The following FAM171A1 variants were observed in gnomAD, a reference collection of about 807,000 sequenced individuals.
FAM171A1 encodes family with sequence similarity 171 member A1.
Under a neutral mutation model 74.9 loss-of-function variants are expected in FAM171A1, and 23 were observed. The observed-to-expected ratio is 0.31, with a 90% CI of 0.22 to 0.44. The LOEUF is 0.44. Among genes scored for constraint, FAM171A1 ranks in the 20% least tolerant of loss-of-function variants. The pLI is 1.00. For missense variants in FAM171A1, 1,162 were observed against 1,159.2 expected (o/e 1.00, Z -0.03); for synonymous variants, 527 against 505.7 (o/e 1.04, Z -0.57).
intron 1 of FAM171A1, among the ~76,000 whole-genome samples, chr10:15,369,656 A>C (rs771502991): frequency 6.6e-6 from 1 of 152,234 alleles, no homozygotes; most frequent in Non-Finnish European, 1.5e-5. Flanking sequence ...ACATGTAGGC[A>C]ACAAACTCAA....
At chr10:15,296,945 C>G (rs1243810456) in intron 1 of FAM171A1, among the ~76,000 whole-genome samples, 6 of 152,122 alleles carry the variant, frequency 3.9e-5, no homozygotes, top group Admixed American at 2.0e-4. Context: ...GTGGTAGACT[C>G]GACAGCTACA....
At chr10:15,229,402 C>CTCA (rs928252098) in intron 5 of FAM171A1, among the ~76,000 whole-genome samples, 1 of 151,916 alleles carries the variant, frequency 6.6e-6, no homozygotes, top group Non-Finnish European at 1.5e-5. Flanking sequence ...ATGGCAAACA[C>CTCA]TCATCATCAT....
At chr10:15,227,096 T>A (rs1353825243) in intron 5 of FAM171A1, among the ~76,000 whole-genome samples, 2 of 151,452 alleles carry the variant, frequency 1.3e-5, no homozygotes, top group Non-Finnish European at 2.9e-5. Flanking sequence ...GCCTCCTGGG[T>A]TCAAGTGATT....
intron 5 of FAM171A1, chr10:15,241,418 T>G (rs1158450325): frequency 1.3e-5 from 2 of 152,236 alleles, no homozygotes; most frequent in African/African-American, 4.8e-5. Flanking sequence ...TATTTTTGGT[T>G]TGTGGGGATA....
chr10:15,323,000 C>T (rs1197634454), intron 1 of FAM171A1, among the ~76,000 whole-genome samples: 3 of 150,736 alleles, frequency 2.0e-5, no homozygotes, highest in Admixed American at 6.6e-5. Context: ...ATTAGACGGG[C>T]GTGGTGGTGC....
At chr10:15,250,875 A>C (rs1285873505) in intron 4 of FAM171A1, among the ~76,000 whole-genome samples, 1 of 152,092 alleles carries the variant, frequency 6.6e-6, no homozygotes, top group African/African-American at 2.4e-5. Flanking sequence ...CTTTCATCAA[A>C]CTCTAGTCAA....
intron 1 of FAM171A1, among the ~76,000 whole-genome samples, chr10:15,284,395 T>G (rs1451934238): frequency 6.6e-6 from 1 of 150,622 alleles, no homozygotes; most frequent in Admixed American, 6.6e-5. Flanking sequence ...CTTTTAAACA[T>G]TGGGCAACCA....
At chr10:15,286,899 T>C (rs1198685528) in intron 1 of FAM171A1, among the ~76,000 whole-genome samples, 3 of 152,158 alleles carry the variant, frequency 2.0e-5, no homozygotes, top group Admixed American at 6.5e-5. Flanking sequence ...TCTCTTAAAA[T>C]GTTTTAGCAA....
intron 1 of FAM171A1, among the ~76,000 whole-genome samples, chr10:15,328,937 A>C (rs1835592384): frequency 6.6e-6 from 1 of 152,170 alleles, no homozygotes; most frequent in Non-Finnish European, 1.5e-5. Flanking sequence ...CATGCAAAAC[A>C]ACTCTGTAAA....
Position 15,216,041 on chromosome 10 carries a change from G to A in FAM171A1, c.941C>T (p.Ala314Val), listed in dbSNP as rs1290759120. The A allele has an allele frequency of 6.2e-7, 1 of 1,611,866 alleles. No homozygotes were observed. The highest frequency in any genetic ancestry group is 8.5e-7 in the Non-Finnish European group (1 of 1,179,704). ...VFLLAILGGM[A>V]FILLVLLCLL... is the part of the protein sequence containing the mutation. Reference sequence around the variant, plus strand: ...ACACAGCAAAACCAAAAGTATGAAAGCCATTCCTCCTAAAATGGCCAAAAG... The same window carrying A: ...ACACAGCAAAACCAAAAGTATGAAAACCATTCCTCCTAAAATGGCCAAAAG... The change falls in exon 7 of 8, where the codon GCT (alanine) becomes GTT (valine). Residue 314 changes from alanine to valine, a missense_variant. By Grantham distance (64) the Ala-to-Val change is moderately conservative. Coordinates refer to ENST00000378116, the MANE Select transcript of FAM171A1 (RefSeq NM_001010924.2).
chr10:15,270,877 C>T (rs572179683), intron 3 of FAM171A1, among the ~76,000 whole-genome samples: 47 of 152,146 alleles, frequency 3.1e-4, no homozygotes, highest in Non-Finnish European at 5.7e-4. Context: ...CCCATCTGTA[C>T]GTCACCATCA....
intron 6 of FAM171A1, among the ~76,000 whole-genome samples, chr10:15,218,060 A>G (rs1160071621): frequency 6.6e-6 from 1 of 152,108 alleles, no homozygotes; most frequent in African/African-American, 2.4e-5. Context: ...TCGTCCTTTA[A>G]GTACTCAAAG....
At chr10:15,341,339 G>A (rs150492697) in intron 1 of FAM171A1, among the ~76,000 whole-genome samples, 10 of 152,184 alleles carry the variant, frequency 6.6e-5, no homozygotes, top group African/African-American at 2.2e-4. Context: ...ATTTTCAATG[G>A]ACTGAAGGGT....
chr10:15,257,423 C>T (rs1006573957), intron 3 of FAM171A1, among the ~76,000 whole-genome samples: 2 of 152,158 alleles, frequency 1.3e-5, no homozygotes, highest in African/African-American at 4.8e-5. Context: ...ACCCAGGCTG[C>T]TCTCCCCAGC....
At chr10:15,221,637 C>G (rs768754659) in intron 5 of FAM171A1, among the ~76,000 whole-genome samples, 1 of 152,232 alleles carries the variant, frequency 6.6e-6, no homozygotes, top group African/African-American at 2.4e-5. Context: ...ATCAAGGTCC[C>G]TGCTGTATCT....
intron 3 of FAM171A1, among the ~76,000 whole-genome samples, chr10:15,267,005 T>C (rs922312613): frequency 1.3e-5 from 2 of 152,018 alleles, no homozygotes; most frequent in African/African-American, 2.4e-5. Flanking sequence ...GAGCTCCACC[T>C]CAGGTAGACC....
At chr10:15,360,765 C>T (rs1490162586) in intron 1 of FAM171A1, among the ~76,000 whole-genome samples, 2 of 152,190 alleles carry the variant, frequency 1.3e-5, no homozygotes, top group East Asian at 3.9e-4. Context: ...ATAGTCAGAT[C>T]AGCTCATGAT....
chr10:15,330,842 C>T (rs898211215), intron 1 of FAM171A1, among the ~76,000 whole-genome samples: 13 of 151,560 alleles, frequency 8.6e-5, no homozygotes, highest in Admixed American at 4.6e-4. Flanking sequence ...CTCAGCCTCC[C>T]GAGTAGCTGG....
At chr10:15,280,203 G>A (rs1003597171) in intron 2 of FAM171A1, among the ~76,000 whole-genome samples, 67 of 152,330 alleles carry the variant, frequency 4.4e-4, no homozygotes, top group African/African-American at 1.6e-3. Flanking sequence ...GGCCGACCAT[G>A]AGATATGGAA....
Sources: allele counts gnomAD v4.1 joint callset (sites outside exome capture counted in the v4.1 genomes callset), GRCh38; gene constraint gnomAD v4.1.1; transcripts MANE v1.5; gene names NCBI Gene and HGNC (gene_info 2026-07-23, HGNC 2026-07-21).